Variants in NTNG1 observed in about 807,000 individuals in gnomAD.
NTNG1 encodes netrin-G1.
In NTNG1, 16 loss-of-function variants were observed where a neutral mutation model predicts 54.0. That is an observed-to-expected ratio of 0.30 (90% CI 0.20 to 0.45). The LOEUF (loss-of-function observed/expected upper bound fraction) is 0.45. Ranked by LOEUF, NTNG1 falls within the 20% of genes least tolerant of loss-of-function variation. NTNG1 has a pLI of 1.00. For synonymous variants in NTNG1, 255 were observed against 263.1 expected (o/e 0.97, Z 0.30); for missense variants, 530 against 678.7 (o/e 0.78, Z 2.43).
chr1:107,302,375 AC>A (rs1394946456), intron 2 of NTNG1, among the ~76,000 whole-genome samples: 1 of 152,022 alleles, frequency 6.6e-6, no homozygotes, highest in Non-Finnish European at 1.5e-5. Context: ...AGTTCATAGG[AC>A]CCAGTCCCCA....
intron 3 of NTNG1, among the ~76,000 whole-genome samples, chr1:107,388,991 G>A (rs1005690993): frequency 6.6e-6 from 1 of 152,232 alleles, no homozygotes; most frequent in Non-Finnish European, 1.5e-5. Flanking sequence ...AGAGGCGCAA[G>A]CAGAGGATGA....
chr1:107,469,509 G>C (rs963945876), intron 7 of NTNG1, among the ~76,000 whole-genome samples: 2 of 152,012 alleles, frequency 1.3e-5, no homozygotes, highest in African/African-American at 4.8e-5. Context: ...TTGAGTCAGA[G>C]TCTCTCTCTG....
intron 3 of NTNG1, among the ~76,000 whole-genome samples, chr1:107,394,088 C>A (rs1011972496): frequency 7.2e-5 from 11 of 151,866 alleles, no homozygotes; most frequent in African/African-American, 2.7e-4. Flanking sequence ...CTGATTCAGA[C>A]CTATCTTGGT....
At chr1:107,171,273 AT>A (rs995326627) in intron 2 of NTNG1, among the ~76,000 whole-genome samples, 12 of 151,846 alleles carry the variant, frequency 7.9e-5, no homozygotes, top group Non-Finnish European at 1.8e-4. Flanking sequence ...AAAAGTTTTC[AT>A]TTTTTCTCAT....
chr1:107,240,132 T>C (rs534048550), intron 2 of NTNG1, among the ~76,000 whole-genome samples: 1 of 152,144 alleles, frequency 6.6e-6, no homozygotes, highest in Non-Finnish European at 1.5e-5. Context: ...TTAATGTCTT[T>C]CAGAAACAAC....
chr1:107,369,069 A>G (rs945983393), intron 3 of NTNG1, among the ~76,000 whole-genome samples: 3 of 152,026 alleles, frequency 2.0e-5, no homozygotes, highest in African/African-American at 4.8e-5. Context: ...CTTTTATTCA[A>G]CATAATTATT....
At chr1:107,434,786 G>A (rs1167629735) in intron 6 of NTNG1, among the ~76,000 whole-genome samples, 1 of 151,966 alleles carries the variant, frequency 6.6e-6, no homozygotes, top group East Asian at 1.9e-4. Context: ...CTAATTTCAT[G>A]GAATAAAATA....
In NTNG1 at chr1:107,480,744, C is replaced by T; in HGVS notation, c.1524C>T (p.Cys508=). 2 of 1,608,658 alleles carry T rather than the reference C, an allele frequency of 1.2e-6. No homozygotes were observed. The highest frequency in any genetic ancestry group is 1.7e-6 in the Non-Finnish European group (2 of 1,178,970). ...TGCGGTGCGAGGAGGCTGGCAGCTG[C>T]GGCTCCGACTCTGGCCAGGGCGCGC... ...EKLRCEEAGS[C]GSDSGQGAPP... Residue 508 remains cysteine, a synonymous_variant, in exon 8 of 8, where the codon TGC becomes TGT. Coordinates refer to ENST00000370068, the MANE Select transcript of NTNG1 (RefSeq NM_001113226.3).
At chr1:107,223,589 T>C (rs755032580) in intron 2 of NTNG1, among the ~76,000 whole-genome samples, 14 of 152,128 alleles carry the variant, frequency 9.2e-5, no homozygotes, top group Non-Finnish European at 1.6e-4. Flanking sequence ...TATAGCTAAG[T>C]AGTTATATTA....
intron 2 of NTNG1, among the ~76,000 whole-genome samples, chr1:107,245,410 G>A (rs551425685): frequency 5.3e-5 from 8 of 152,254 alleles, no homozygotes; most frequent in Admixed American, 3.9e-4. Context: ...TCAGAATGTT[G>A]CTGTACAAAG....
At chr1:107,318,498 G>A (rs1667463303) in intron 2 of NTNG1, among the ~76,000 whole-genome samples, 1 of 151,466 alleles carries the variant, frequency 6.6e-6, no homozygotes, top group Non-Finnish European at 1.5e-5. Flanking sequence ...GTTGCTAACA[G>A]CTATGGTAAG....
At chr1:107,333,683 T>C (rs1451916741) in intron 3 of NTNG1, among the ~76,000 whole-genome samples, 1 of 151,842 alleles carries the variant, frequency 6.6e-6, no homozygotes, top group Non-Finnish European at 1.5e-5. Context: ...GTGTTTAAAC[T>C]ATTTGCAGTG....
chr1:107,476,297 T>C (rs1474053470), intron 7 of NTNG1, among the ~76,000 whole-genome samples: 2 of 152,200 alleles, frequency 1.3e-5, no homozygotes, highest in Admixed American at 6.5e-5. Context: ...TCCTCATTTT[T>C]ACTTGGTCTA....
intron 2 of NTNG1, among the ~76,000 whole-genome samples, chr1:107,237,652 T>C (rs1661502949): frequency 6.6e-6 from 1 of 152,110 alleles, no homozygotes; most frequent in Non-Finnish European, 1.5e-5. Flanking sequence ...CTTGGTGCCC[T>C]GTGTTCCAGC....
At chr1:107,462,909 C>A (rs774860992) in intron 7 of NTNG1, among the ~76,000 whole-genome samples, 16 of 152,152 alleles carry the variant, frequency 1.1e-4, no homozygotes, top group African/African-American at 3.9e-4. Flanking sequence ...GATTTGCCAA[C>A]GCCCCACAGC....
intron 5 of NTNG1, among the ~76,000 whole-genome samples, chr1:107,424,310 C>T (rs544043674): frequency 6.6e-6 from 1 of 152,166 alleles, no homozygotes; most frequent in Non-Finnish European, 1.5e-5. Context: ...TGAAGAGCAA[C>T]ATGGAGGCAC....
chr1:107,190,309 A>C (rs763396942), intron 2 of NTNG1, among the ~76,000 whole-genome samples: 1 of 152,162 alleles, frequency 6.6e-6, no homozygotes, highest in Non-Finnish European at 1.5e-5. Flanking sequence ...TAAGATGGTA[A>C]GTTTTATGTT....
intron 5 of NTNG1, among the ~76,000 whole-genome samples, chr1:107,421,784 T>C (rs1674589567): frequency 6.6e-6 from 1 of 152,146 alleles, no homozygotes; most frequent in Non-Finnish European, 1.5e-5. Flanking sequence ...ACATGAAGAC[T>C]TCTGTTTTTA....
rs1662230664 is a variant in NTNG1 at position 107,246,747 on chromosome 1, A to T, written c.247-77535A>T. ...TAAAAAATGTAAATATAATAGGAAA[A>T]CTGACTACTTAAAGGAGCTTTTCAG... On this transcript the variant is annotated intron_variant, in intron 2 of 7. Transcript: ENST00000370068. Among the ~76,000 whole-genome samples, 3 of 152,208 alleles carry T rather than the reference A, an allele frequency of 2.0e-5. No individual in the cohort carries two copies. In the South Asian group the frequency reaches 6.2e-4, roughly 31 times the overall value.
Sources: allele counts gnomAD v4.1 joint callset (sites outside exome capture counted in the v4.1 genomes callset), GRCh38; gene constraint gnomAD v4.1.1; transcripts MANE v1.5; gene names NCBI Gene and HGNC (gene_info 2026-07-23, HGNC 2026-07-21).